The following TOLLIP variants were observed in gnomAD, a reference collection of about 807,000 sequenced individuals.
The protein encoded by TOLLIP is toll-interacting protein.
Under a neutral mutation model 33.5 loss-of-function variants are expected in TOLLIP, and 16 were observed. That is an observed-to-expected ratio of 0.48 (90% CI 0.32 to 0.72). TOLLIP has a LOEUF of 0.72. Ranked by LOEUF, TOLLIP falls within the 30% of genes least tolerant of loss-of-function variation. The pLI, the probability that TOLLIP is intolerant of heterozygous loss-of-function variation, is 0.03. For missense variants in TOLLIP, 325 were observed against 396.6 expected, an observed-to-expected ratio of 0.82 and a Z score of 1.53; for synonymous variants, 176 against 163.7, an observed-to-expected ratio of 1.07 and a Z score of -0.57.
intron 1 of TOLLIP, among the ~76,000 whole-genome samples, chr11:1,301,012 A>G (rs1365551522): frequency 6.6e-6 from 1 of 152,270 alleles, no homozygotes. Flanking sequence ...AACGAGTCTC[A>G]GCGCTAACGC....
intron 4 of TOLLIP, among the ~76,000 whole-genome samples, chr11:1,287,846 TCC>T (rs1863792172): frequency 7.1e-6 from 1 of 140,280 alleles, no homozygotes; most frequent in Non-Finnish European, 1.6e-5. Flanking sequence ...CGCCGCAGCC[TCC>T]CTGCCGCACC....
chr11:1,285,898 C>G, intron 5 of TOLLIP, 104 bp downstream of exon 5: 1 of 775,314 alleles, frequency 1.3e-6, no homozygotes, highest in Non-Finnish European at 2.1e-6. Flanking sequence ...GAATGGATGA[C>G]GTCCCCACCC....
At chr11:1,297,082 G>A (rs11042484) in intron 1 of TOLLIP, among the ~76,000 whole-genome samples, 10,396 of 151,822 alleles carry the variant, frequency 0.068, 444 homozygotes, top group Middle Eastern at 0.11. Context: ...CCCGGTCAGC[G>A]CCAGTGCCCT....
chr11:1,296,423 C>A (rs946843147), intron 1 of TOLLIP, among the ~76,000 whole-genome samples: 1 of 152,226 alleles, frequency 6.6e-6, no homozygotes, highest in Non-Finnish European at 1.5e-5. Context: ...TGGGCCCAGG[C>A]AGGACAATGC....
intron 1 of TOLLIP, among the ~76,000 whole-genome samples, chr11:1,301,150 G>A (rs912277608): frequency 2.0e-5 from 3 of 152,266 alleles, no homozygotes; most frequent in Non-Finnish European, 4.4e-5. Context: ...CAAATCACAC[G>A]TAGAAATAAA....
At chr11:1,309,428 G>C (rs747591575) in intron 1 of TOLLIP, 38 bp downstream of exon 1, 7 of 1,232,446 alleles carry the variant, frequency 5.7e-6, no homozygotes, top group South Asian at 4.9e-5. Flanking sequence ...GCAACCGCAG[G>C]TCACCGCCCC....
intron 2 of TOLLIP, among the ~76,000 whole-genome samples, chr11:1,292,843 G>A (rs1041295037): frequency 6.6e-6 from 1 of 152,278 alleles, no homozygotes; most frequent in African/African-American, 2.4e-5. Context: ...CCAGCTAGGA[G>A]GACCGGGTAT....
chr11:1,294,343 G>A (rs79145389), intron 2 of TOLLIP, among the ~76,000 whole-genome samples: 438 of 55,824 alleles, frequency 7.8e-3, no homozygotes, highest in Middle Eastern at 0.017. Flanking sequence ...GAAAGCCCGC[G>A]TGGCTCACGG....
At chr11:1,280,352 G>A (rs1863452872) in intron 5 of TOLLIP, among the ~76,000 whole-genome samples, 1 of 152,164 alleles carries the variant, frequency 6.6e-6, no homozygotes, top group Non-Finnish European at 1.5e-5. Context: ...CCTCCCCCTT[G>A]TCCATCCCAG....
chr11:1,281,503 C>T (rs1214265907), intron 5 of TOLLIP, among the ~76,000 whole-genome samples: 3 of 146,276 alleles, frequency 2.1e-5, no homozygotes, highest in African/African-American at 7.6e-5. Flanking sequence ...CCTGAGCCCA[C>T]CTAATGTGCA....
At position 1,276,612 on chromosome 11, in the gene TOLLIP, A is replaced by G. The variant is rs1564961605; in HGVS notation, c.*427T>C. 8.1e-7 allele frequency: 1 copy of G among 1,233,224 alleles called. No individual in the cohort carries two copies. 76.4% of individuals were successfully genotyped at this position (1,233,224 alleles called of 1,614,324 possible). On this transcript the variant is annotated 3_prime_UTR_variant, in exon 6 of 6. Coordinates refer to ENST00000317204, the MANE Select transcript of TOLLIP (RefSeq NM_019009.4). ...CTGGGAAGTTCTAAAAAAAACCCAC[A>G]GTGTGAGGGATTGTGTGTGCCTTAA...
intron 4 of TOLLIP, 61 bp downstream of exon 4, chr11:1,288,563 T>C (rs1035428297): frequency 3.3e-6 from 5 of 1,536,986 alleles, no homozygotes; most frequent in Non-Finnish European, 4.4e-6. Flanking sequence ...TGGGGCGGCA[T>C]AGCCCCGACG....
intron 1 of TOLLIP, among the ~76,000 whole-genome samples, chr11:1,296,181 T>C (rs541557171): frequency 4.0e-4 from 61 of 152,374 alleles, no homozygotes; most frequent in Admixed American, 7.2e-4. Context: ...TGCAGGTCAC[T>C]TGGTCAAACG....
intron 5 of TOLLIP, 146 bp downstream of exon 5, chr11:1,285,856 C>G (rs896702769): frequency 1.0e-5 from 5 of 480,816 alleles, no homozygotes; most frequent in South Asian, 4.3e-5. Context: ...CTGAAAGGAT[C>G]TGTGTGCGGT....
intron 1 of TOLLIP, among the ~76,000 whole-genome samples, chr11:1,308,639 G>C (rs1020324981): frequency 3.3e-5 from 5 of 152,360 alleles, no homozygotes; most frequent in South Asian, 2.1e-4. Context: ...TCTCAGGAGA[G>C]AATTCAGAGC....
rs5743957 is a variant in TOLLIP at position 1,289,798 on chromosome 11, C to T, written c.366+429G>A. Among the ~76,000 whole-genome samples, 317 of 148,492 alleles carry T rather than the reference C, an allele frequency of 2.1e-3. 4 individuals are homozygous for T. The highest frequency in any genetic ancestry group is 7.7e-3 in the African/African-American group (304 of 39,582). On this transcript the variant is annotated intron_variant, in intron 3 of 5. Transcript: ENST00000317204. ...CCTGGAAATCCCACCTGCTGGTGAG[C>T]GGCCAGACGAGTGCCCAGTGGCGGG...
chr11:1,288,438 C>A (rs1863819017), intron 4 of TOLLIP, among the ~76,000 whole-genome samples, 186 bp downstream of exon 4: 1 of 152,222 alleles, frequency 6.6e-6, no homozygotes, highest in Admixed American at 6.5e-5. Flanking sequence ...GAGCAGTGGG[C>A]AGGGCAGCCC....
intron 1 of TOLLIP, 95 bp downstream of exon 1, chr11:1,309,371 G>T (rs1864525313): frequency 1.4e-6 from 1 of 718,808 alleles, no homozygotes; most frequent in Non-Finnish European, 1.9e-6. Context: ...CGCGGAGTCG[G>T]CCCGCCAGCC....
chr11:1,290,310 C>T lies in TOLLIP; in HGVS notation c.283G>A (p.Ala95Thr), dbSNP rs1863892176. ...VYETPTAHNG[A>T]KNPRWNKVIH... ...ACCTTATTCCAGCGGGGATTCTTGG[C>T]GCCATTGTGTGCCGTGGGCGTCTCG... The change falls in exon 3 of 6, where the codon GCC becomes ACC. Residue 95 changes from alanine to threonine, a missense_variant. Physicochemically the swap from Ala to Thr is moderately conservative, Grantham distance 58 (BLOSUM62 0). Transcript: ENST00000317204. The surrounding 1 kb of genome is among the most constrained non-coding windows in gnomAD (Gnocchi z 4.9). 6.2e-7 allele frequency: 1 copy of T among 1,613,640 alleles called. No individual in the cohort carries two copies. Among genetic ancestry groups the T allele is most frequent in the Non-Finnish European group, 8.5e-7 (1 of 1,179,976 alleles).
Sources: allele counts gnomAD v4.1 joint callset (sites outside exome capture counted in the v4.1 genomes callset), GRCh38; gene constraint gnomAD v4.1.1; non-coding constraint Gnocchi (gnomAD v3.1); transcripts MANE v1.5; gene names NCBI Gene and HGNC (gene_info 2026-07-23, HGNC 2026-07-21).